Variants in PDE4B observed in about 807,000 individuals in gnomAD.
PDE4B encodes the protein 3',5'-cyclic-AMP phosphodiesterase 4B.
PDE4B carries 20 observed loss-of-function variants against 82.2 expected under a neutral mutation model. The observed-to-expected ratio is 0.24, with a 90% CI of 0.17 to 0.35. The LOEUF is 0.35. PDE4B is among the 10% of genes least tolerant of loss of function. The pLI, the probability that PDE4B is intolerant of heterozygous loss-of-function variation, is 1.00. For synonymous variants in PDE4B, 320 were observed against 318.9 expected, an observed-to-expected ratio of 1.00 and a Z score of -0.04; for missense variants, 655 against 907.2, an observed-to-expected ratio of 0.72 and a Z score of 3.57.
chr1:65,831,937 G>T (rs2101297489), intron 1 of PDE4B, among the ~76,000 whole-genome samples: 1 of 152,192 alleles, frequency 6.6e-6, no homozygotes, highest in East Asian at 1.9e-4. Context: ...TCGGGCTCTG[G>T]GGGTATCACT....
chr1:65,876,544 T>C (rs544861858), intron 1 of PDE4B, among the ~76,000 whole-genome samples: 5 of 152,256 alleles, frequency 3.3e-5, no homozygotes, highest in Non-Finnish European at 7.4e-5. Flanking sequence ...TCTTTTTATA[T>C]AGGTGTCAGT....
chr1:65,913,353 T>C lies in PDE4B; in HGVS notation c.39T>C (p.Asp13=), dbSNP rs144957956. Residue 13 remains aspartate, a synonymous_variant, in exon 2 of 17, where the codon GAT becomes GAC. Coordinates refer to ENST00000341517, the MANE Select transcript of PDE4B (RefSeq NM_002600.4). ...GGAGTGTGATGACGGTGATGGCTGA[T>C]GATGTAAGTTTCAAAAGGTCCCAAT... ...KSRSVMTVMA[D]DNVKDYFECS... is the part of the protein sequence containing the mutation. The C allele has an allele frequency of 1.2e-6, 2 of 1,613,618 alleles. No homozygotes were observed. The highest frequency in any genetic ancestry group is 2.2e-5 in the East Asian group (1 of 44,890).
rs535353991 is a variant in PDE4B at position 65,967,427 on chromosome 1, C to T, written c.281+48592C>T. Reference sequence around the variant, plus strand: ...ATGTGGAGAAATAGGAATGCTTTTACACTGTTGGTGAGAGTGTAAATTAGT... The same window carrying T: ...ATGTGGAGAAATAGGAATGCTTTTATACTGTTGGTGAGAGTGTAAATTAGT... On this transcript the variant is annotated intron_variant, in intron 3 of 16. Transcript: ENST00000341517. Among the ~76,000 whole-genome samples, 29 of 152,298 alleles carry T rather than the reference C, an allele frequency of 1.9e-4. No homozygotes were observed. In the South Asian group the frequency reaches 4.6e-3, roughly 24 times the overall value.
chr1:66,268,182 G>A (rs539947596), intron 7 of PDE4B, among the ~76,000 whole-genome samples: 1 of 152,242 alleles, frequency 6.6e-6, no homozygotes, highest in East Asian at 1.9e-4. Flanking sequence ...TTGTATTGGA[G>A]CAATTCAGAG....
chr1:65,843,660 T>C (rs11208759), intron 1 of PDE4B, among the ~76,000 whole-genome samples: 1 of 152,120 alleles, frequency 6.6e-6, no homozygotes, highest in Non-Finnish European at 1.5e-5. Context: ...TCAGTAGGTG[T>C]TGAAAGACAG....
At chr1:66,270,383 C>T (rs573942) in intron 7 of PDE4B, among the ~76,000 whole-genome samples, 122,255 of 152,216 alleles carry the variant, frequency 0.8, 49,955 homozygotes, top group African/African-American at 0.95. Context: ...ATGACTATCC[C>T]TCCGGAGGTT....
intron 1 of PDE4B, among the ~76,000 whole-genome samples, chr1:65,832,661 A>C (rs1406727309): frequency 6.6e-6 from 1 of 152,226 alleles, no homozygotes; most frequent in Non-Finnish European, 1.5e-5. Flanking sequence ...AACTTGGGAA[A>C]GTATAATTGG....
intron 3 of PDE4B, among the ~76,000 whole-genome samples, chr1:66,063,351 C>G (rs1655680075): frequency 6.6e-6 from 1 of 151,774 alleles, no homozygotes; most frequent in Non-Finnish European, 1.5e-5. Flanking sequence ...AGTCTGAGCC[C>G]CCTACTTAGG....
At chr1:66,157,548 CT>C (rs1646524750) in intron 3 of PDE4B, among the ~76,000 whole-genome samples, 1 of 152,190 alleles carries the variant, frequency 6.6e-6, no homozygotes, top group Non-Finnish European at 1.5e-5. Flanking sequence ...ACCAGACCTT[CT>C]CATAATTCAT....
rs753678232 is a variant in PDE4B at position 66,006,498 on chromosome 1, C to A, written c.281+87663C>A. Among the ~76,000 whole-genome samples the A allele has an allele frequency of 2.3e-4, 35 of 152,190 alleles. 1 individual carries two copies. Among genetic ancestry groups the A allele is most frequent in the Admixed American group, 8.5e-4 (13 of 15,282 alleles). On this transcript the variant is annotated intron_variant, in intron 3 of 16. Coordinates refer to ENST00000341517, the MANE Select transcript of PDE4B (RefSeq NM_002600.4). ...TGGTGGTTTGCACCTGTAATTCCAA[C>A]CACTTGGGAGGCTGAGGCGAGAAAA...
chr1:65,946,704 A>C (rs1392574978), intron 3 of PDE4B, among the ~76,000 whole-genome samples: 1 of 151,980 alleles, frequency 6.6e-6, no homozygotes, highest in Admixed American at 6.6e-5. Flanking sequence ...TTGCTACTAC[A>C]ATTAATTCCA....
At chr1:66,096,508 T>TCA (rs59931848) in intron 3 of PDE4B, among the ~76,000 whole-genome samples, 47,891 of 107,268 alleles carry the variant, frequency 0.45, 11,552 homozygotes, top group Middle Eastern at 0.56. Context: ...GTAAAAAAAA[T>TCA]TATATATATA....
At chr1:66,323,696 G>A (rs1185675733) in intron 7 of PDE4B, among the ~76,000 whole-genome samples, 1 of 152,034 alleles carries the variant, frequency 6.6e-6, no homozygotes, top group Non-Finnish European at 1.5e-5. Flanking sequence ...CATTAAAATA[G>A]ATACTATTAT....
rs532864403 is a variant in PDE4B at position 66,207,372 on chromosome 1, C to A, written c.282-40088C>A. Among the ~76,000 whole-genome samples, 4 of 152,162 alleles carry A rather than the reference C, an allele frequency of 2.6e-5. No individual in the cohort carries two copies. In the East Asian group the frequency reaches 7.7e-4, roughly 29 times the overall value. ...AACAAAGATTTCAGAAACTGAACCC[C>A]AATTATTTACATAGATGATATTTTG... On this transcript the variant is annotated intron_variant, in intron 3 of 16. Coordinates refer to ENST00000341517, the MANE Select transcript of PDE4B (RefSeq NM_002600.4).
intron 7 of PDE4B, among the ~76,000 whole-genome samples, chr1:66,308,781 A>G (rs1403808673): frequency 6.6e-6 from 1 of 152,176 alleles, no homozygotes; most frequent in Admixed American, 6.6e-5. Context: ...TAAACAAAAG[A>G]TTATGTATAT....
chr1:66,266,876 G>C, intron 7 of PDE4B: 2 of 330,864 alleles, frequency 6.0e-6, no homozygotes, highest in South Asian at 2.4e-5. Flanking sequence ...AAAACCACAG[G>C]AGAAACAATT....
intron 1 of PDE4B, among the ~76,000 whole-genome samples, chr1:65,909,794 T>G (rs1208623256): frequency 6.6e-6 from 1 of 152,206 alleles, no homozygotes; most frequent in Non-Finnish European, 1.5e-5. Flanking sequence ...ACTTACAACA[T>G]TTGCCTTAAA....
intron 4 of PDE4B, among the ~76,000 whole-genome samples, chr1:66,255,857 G>A (rs1015706735): frequency 1.5e-4 from 23 of 152,212 alleles, no homozygotes; most frequent in Non-Finnish European, 3.1e-4. Context: ...TGTCAACTAT[G>A]CAGCAAGTCA....
In PDE4B at chr1:65,906,559, T is replaced by C. The variant is rs1647030078; in HGVS notation, c.-70-6686T>C. Among the ~76,000 whole-genome samples the C allele has an allele frequency of 2.0e-5, 3 of 152,158 alleles. No individual in the cohort carries two copies. The South Asian group carries it at 6.2e-4, about 31-fold the overall frequency. On this transcript the variant is annotated intron_variant, in intron 1 of 16. Coordinates refer to ENST00000341517, the MANE Select transcript of PDE4B (RefSeq NM_002600.4). ...GAAAAATAATTCAACTCTTTAAAACTTACCCACTTAGTATATACTGCAGGG... is the reference window on the plus strand; with the variant it reads ...GAAAAATAATTCAACTCTTTAAAACCTACCCACTTAGTATATACTGCAGGG...
Sources: gnomAD v4.1 joint callset for allele counts (sites outside exome capture counted in the v4.1 genomes callset) on GRCh38, gnomAD v4.1.1 for gene constraint, MANE v1.5 for transcripts, NCBI Gene and HGNC (gene_info 2026-07-23, HGNC 2026-07-21) for gene names.